SENP6: variants seen among roughly 807,000 people sequenced by gnomAD.
The protein encoded by SENP6 is SUMO specific peptidase 6.
SENP6 carries 41 observed loss-of-function variants against 134.5 expected under a neutral mutation model. That is an observed-to-expected ratio of 0.30 (90% CI 0.24 to 0.40). The LOEUF (loss-of-function observed/expected upper bound fraction) is 0.40. Ranked by LOEUF, SENP6 falls within the 10% of genes least tolerant of loss-of-function variation. SENP6 has a pLI of 1.00. For synonymous variants in SENP6, 395 were observed against 429.8 expected, an observed-to-expected ratio of 0.92 and a Z score of 1.00; for missense variants, 1,248 against 1,312.5, an observed-to-expected ratio of 0.95 and a Z score of 0.76.
chr6:75,605,589 GAC>G (rs1248448414), intron 1 of SENP6, among the ~76,000 whole-genome samples: 1 of 152,166 alleles, frequency 6.6e-6, no homozygotes, highest in African/African-American at 2.4e-5. Context: ...TTAACTAAGA[GAC>G]ACTTCAGAAT....
intron 7 of SENP6, among the ~76,000 whole-genome samples, chr6:75,653,022 CTTTTTTCTTTTCTT>C (rs1156350553): frequency 6.7e-6 from 1 of 149,434 alleles, no homozygotes; most frequent in African/African-American, 2.4e-5. Context: ...TTTTCTGTTA[CTTTTTTCTTTTCTT>C]TTTTTTCTTT....
chr6:75,623,731 T>A (rs1012414114), intron 2 of SENP6, among the ~76,000 whole-genome samples, 169 bp from the exon 3 acceptor site: 3 of 152,162 alleles, frequency 2.0e-5, no homozygotes, highest in African/African-American at 7.2e-5. Flanking sequence ...ATACAACATA[T>A]GAGTAGCTGC....
At chr6:75,684,195 G>A (rs2149884945) in intron 16 of SENP6, among the ~76,000 whole-genome samples, 1 of 152,208 alleles carries the variant, frequency 6.6e-6, no homozygotes, top group South Asian at 2.1e-4. Flanking sequence ...TTGGCTCTCT[G>A]TTTATCTGTT....
chr6:75,631,273 T>A (rs775998856), intron 3 of SENP6, among the ~76,000 whole-genome samples: 1 of 152,216 alleles, frequency 6.6e-6, no homozygotes, highest in Non-Finnish European at 1.5e-5. Context: ...AATTACATGA[T>A]GTGATAATTT....
At chr6:75,686,139 C>A (rs1033341271) in intron 16 of SENP6, among the ~76,000 whole-genome samples, 2 of 152,188 alleles carry the variant, frequency 1.3e-5, no homozygotes, top group African/African-American at 4.8e-5. Context: ...GATCCCTTTA[C>A]CATTATGTAA....
chr6:75,680,305 T>A (rs1051509723), intron 16 of SENP6, among the ~76,000 whole-genome samples: 1 of 152,078 alleles, frequency 6.6e-6, no homozygotes, highest in Non-Finnish European at 1.5e-5. Context: ...TAAGTTCCCT[T>A]TTAGAGGTCT....
chr6:75,683,123 A>C (rs151109676), intron 16 of SENP6, among the ~76,000 whole-genome samples: 1,644 of 152,238 alleles, frequency 0.011, 32 homozygotes, highest in African/African-American at 0.038. Flanking sequence ...TGGTTATCTC[A>C]TTGTGGTTTT....
chr6:75,603,960 C>T (rs1475873001), intron 1 of SENP6, among the ~76,000 whole-genome samples: 1 of 152,086 alleles, frequency 6.6e-6, no homozygotes, highest in Non-Finnish European at 1.5e-5. Flanking sequence ...GGAATGGGTA[C>T]CTGTCGAGGC....
intron 6 of SENP6, chr6:75,644,156 T>C (rs1416189779): frequency 1.3e-5 from 2 of 151,850 alleles, no homozygotes; most frequent in Non-Finnish European, 2.9e-5. Context: ...ACACACGAAT[T>C]AGTAAAGCAT....
chr6:75,671,627 CAGG>C (rs1309892525), intron 11 of SENP6, among the ~76,000 whole-genome samples: 1 of 152,108 alleles, frequency 6.6e-6, no homozygotes, highest in Admixed American at 6.5e-5. Flanking sequence ...GAGGCTGAGG[CAGG>C]AGAATTGCTT....
At position 75,634,488 on chromosome 6, in the gene SENP6, T is replaced by C. The variant is rs141935560; in HGVS notation, c.354-219T>C. Among the ~76,000 whole-genome samples the C allele has an allele frequency of 6.7e-3, 1,016 of 152,208 alleles. 11 individuals are homozygous for C. The highest frequency in any genetic ancestry group is 0.024 in the African/African-American group (983 of 41,518). ...GTCTCGATCTCCTGACCTCAGGTGA[T>C]CTGCTATTTTTAAATTTTTCTTTAA... On this transcript the variant is annotated intron_variant, in intron 4 of 23. Coordinates refer to ENST00000447266, the MANE Select transcript of SENP6 (RefSeq NM_015571.4).
intron 1 of SENP6, among the ~76,000 whole-genome samples, chr6:75,607,559 A>G (rs1334197548): frequency 2.0e-5 from 3 of 151,390 alleles, no homozygotes; most frequent in Non-Finnish European, 2.9e-5. Flanking sequence ...TTTTTTTTTA[A>G]CCAAGTGAAT....
Position 75,716,452 on chromosome 6 carries a change from T to C in SENP6, c.*858T>C, listed in dbSNP as rs1237131703. 1 of 152,018 alleles carries C rather than the reference T, an allele frequency of 6.6e-6. No individual in the cohort carries two copies. The highest frequency in any genetic ancestry group is 1.9e-4 in the East Asian group (1 of 5,204). The allele number at this position is 152,018 out of a possible 1,614,324, so 9.4% of individuals were successfully genotyped here. A position where few individuals can be genotyped will look rare whatever the true frequency, so the allele number is the denominator to read the frequency against. ...AAACACAGGAATTTAAATAGGAATT[T>C]ACTATTTTTTTATAAAGCTTTTGCT... On this transcript the variant is annotated 3_prime_UTR_variant, in exon 24 of 24. Coordinates refer to ENST00000447266, the MANE Select transcript of SENP6 (RefSeq NM_015571.4).
chr6:75,637,242 T>A (rs1769592557), intron 5 of SENP6, among the ~76,000 whole-genome samples: 1 of 152,166 alleles, frequency 6.6e-6, no homozygotes, highest in Non-Finnish European at 1.5e-5. Context: ...TAGTGTATTC[T>A]TGGGGTGAGT....
At chr6:75,661,253 C>T (rs1325208108) in intron 8 of SENP6, among the ~76,000 whole-genome samples, 1 of 152,206 alleles carries the variant, frequency 6.6e-6, no homozygotes, top group East Asian at 1.9e-4. Flanking sequence ...TAACTTGACT[C>T]CCATCACCCC....
In SENP6 at chr6:75,633,137, A is replaced by G. The variant is rs1340971905; in HGVS notation, c.208-444A>G. Among the ~76,000 whole-genome samples the G allele has an allele frequency of 2.6e-5, 4 of 152,220 alleles. No individual in the cohort carries two copies. The East Asian group carries it at 7.7e-4, about 29-fold the overall frequency. The stretch of plus-strand genomic sequence containing the variant: ...ATTTGCATCTATTGAAGTATAAAGT[A>G]TCAATTTCTGCCTGTACAGAAACTT... On this transcript the variant is annotated intron_variant, in intron 3 of 23. Coordinates refer to ENST00000447266, the MANE Select transcript of SENP6 (RefSeq NM_015571.4).
intron 16 of SENP6, among the ~76,000 whole-genome samples, chr6:75,694,181 G>A (rs1263836506): frequency 3.3e-5 from 5 of 152,234 alleles, no homozygotes; most frequent in East Asian, 3.9e-4. Context: ...GCTTGAACCC[G>A]GGAGGTGGAA....
intron 7 of SENP6, among the ~76,000 whole-genome samples, chr6:75,650,341 GC>G (rs1293290271): frequency 6.6e-6 from 1 of 152,118 alleles, no homozygotes; most frequent in African/African-American, 2.4e-5. Flanking sequence ...TTCCCTTGGT[GC>G]TTAATAAAGA....
At chr6:75,670,190 G>T (rs146499090) in intron 10 of SENP6, among the ~76,000 whole-genome samples, 1 of 152,188 alleles carries the variant, frequency 6.6e-6, no homozygotes, top group East Asian at 1.9e-4. Context: ...CAGATGATCC[G>T]CCCATCTCGG....
Sources: gnomAD v4.1 joint callset for allele counts (sites outside exome capture counted in the v4.1 genomes callset) on GRCh38, gnomAD v4.1.1 for gene constraint, MANE v1.5 for transcripts, NCBI Gene and HGNC (gene_info 2026-07-23, HGNC 2026-07-21) for gene names.